The following TCP11 variants were observed in gnomAD, a reference collection of about 807,000 sequenced individuals.
TCP11 encodes T-complex protein 11 homolog.
Under a neutral mutation model 45.0 loss-of-function variants are expected in TCP11, and 34 were observed. The ratio of observed to expected loss-of-function variants is 0.76; its 90% CI spans 0.57 to 1.01. The LOEUF (loss-of-function observed/expected upper bound fraction) is 1.01, where lower values mean the gene tolerates loss of function less well. Ranked by LOEUF, TCP11 falls within the 50% of genes least tolerant of loss-of-function variation. TCP11 has a pLI of 0.00. For synonymous variants in TCP11, 227 were observed against 227.0 expected, an observed-to-expected ratio of 1.00 and a Z score of 0.00; for missense variants, 523 against 598.1, an observed-to-expected ratio of 0.87 and a Z score of 1.31.
At chr6:35,139,055 G>A (rs1781432210) in intron 2 of TCP11, among the ~76,000 whole-genome samples, 1 of 152,098 alleles carries the variant, frequency 6.6e-6, no homozygotes, top group South Asian at 2.1e-4. Flanking sequence ...GGGCATGGTG[G>A]CACATGCTTA....
At chr6:35,133,018 G>A (rs1437011408) in intron 3 of TCP11, among the ~76,000 whole-genome samples, 1 of 152,152 alleles carries the variant, frequency 6.6e-6, no homozygotes, top group East Asian at 1.9e-4. Context: ...ATGGAGAAAG[G>A]CCCTTTAGTA....
rs113669475 is a variant in TCP11, at chr6:35,140,043, T to A, written c.124+704A>T. 0.016 allele frequency: 25,623 copies of A among 1,614,098 alleles called. 295 individuals carry two copies. Among genetic ancestry groups the A allele is most frequent in the South Asian group, 0.03 (2,688 of 91,076 alleles). ...ACCTCAGGTTCATAGCTGTTGGAAA[T>A]GACCCCAATATGCCTTTTGGTGCCA... On this transcript the variant is annotated intron_variant, in intron 2 of 9. Coordinates refer to ENST00000311875, the MANE Select transcript of TCP11 (RefSeq NM_001370687.1).
At position 35,119,287 on chromosome 6, in the gene TCP11, G is replaced by C. The variant is rs562902814; in HGVS notation, c.1220C>G (p.Ser407Cys). 1.6e-5 allele frequency: 26 copies of C among 1,614,188 alleles called. No individual in the cohort carries two copies. The highest frequency in any genetic ancestry group is 3.3e-5 in the Admixed American group (2 of 60,020). ...AATGTTCTGGAGCTGTCCCATTAGA[G>C]ATGCTGTATTATCACTGCTTAGAGC... The part of the protein sequence containing the change: ...LVALSSDNTA[S>C]LMGQLQNIAK... The change falls in exon 9 of 10, where the codon TCT (serine) becomes TGT (cysteine). Residue 407 changes from serine to cysteine, a missense_variant. Transcript: ENST00000311875.
chr6:35,123,642 G>GT (rs1779520026), intron 4 of TCP11, among the ~76,000 whole-genome samples: 1 of 134,344 alleles, frequency 7.4e-6, no homozygotes, highest in South Asian at 2.4e-4. Flanking sequence ...GTCCAGCTTA[G>GT]TTTTCTTTCT....
In TCP11 at chr6:35,136,299, A is replaced by C. The variant is rs1781096618; in HGVS notation, c.125-81T>G. On this transcript the variant is annotated intron_variant, in intron 2 of 9. Coordinates refer to ENST00000311875, the MANE Select transcript of TCP11 (RefSeq NM_001370687.1). ...ATTCACTCAATCTAGTAGGCCCCAA[A>C]TTTAGATTAATCAAACTGGTCTTAC... 8.8e-6 allele frequency: 9 copies of C among 1,023,376 alleles called. No individual in the cohort carries two copies. In the South Asian group the frequency reaches 1.3e-4, roughly 15 times the overall value. The allele number at this position is 1,023,376 out of a possible 1,614,324, so 63.4% of individuals were successfully genotyped here.
At chr6:35,118,909 G>T (rs1378916700) in intron 9 of TCP11, among the ~76,000 whole-genome samples, 1 of 152,094 alleles carries the variant, frequency 6.6e-6, no homozygotes, top group Non-Finnish European at 1.5e-5. Flanking sequence ...TTCAGCATTA[G>T]TTTCTTGTTG....
At chr6:35,127,914 A>G (rs905670337) in intron 4 of TCP11, among the ~76,000 whole-genome samples, 1 of 152,222 alleles carries the variant, frequency 6.6e-6, no homozygotes, top group Non-Finnish European at 1.5e-5. Flanking sequence ...ACAGATCCAA[A>G]TCCATTGTTC....
chr6:35,118,529 G>A lies in TCP11; in HGVS notation c.1280-28C>T, dbSNP rs538717938. 3.8e-6 allele frequency: 6 copies of A among 1,597,852 alleles called. No individual in the cohort carries two copies. In the African/African-American group the frequency reaches 8.1e-5, roughly 21 times the overall value. On this transcript the variant is annotated intron_variant, in intron 9 of 9. Coordinates refer to ENST00000311875, the MANE Select transcript of TCP11 (RefSeq NM_001370687.1). The stretch of plus-strand genomic sequence containing the variant: ...GTGAGCAGGAAAAGACACTGATAAG[G>A]GAAAAGGCAAACAGATTTCAGGGAG...
chr6:35,141,170 C>A (rs1781733903), intron 1 of TCP11, 35 bp downstream of exon 1: 5 of 1,330,720 alleles, frequency 3.8e-6, no homozygotes, highest in Non-Finnish European at 4.8e-6. Context: ...CCCGAAACGC[C>A]GGCCCAGGCC....
chr6:35,139,709 T>G (rs1003506261), intron 2 of TCP11, among the ~76,000 whole-genome samples: 2 of 152,192 alleles, frequency 1.3e-5, no homozygotes, highest in African/African-American at 4.8e-5. Context: ...TTGATAAGAC[T>G]TCTGTTGCTC....
chr6:35,136,447 A>T lies in TCP11; in HGVS notation c.125-229T>A, dbSNP rs528886585. 4.0e-5 allele frequency among the ~76,000 whole-genome samples: 6 copies of T among 151,356 alleles called. No individual in the cohort carries two copies. The South Asian group carries it at 6.3e-4, about 16-fold the overall frequency. ...AAGGCAGGACAAATAGCTAGTTTAT[A>T]AAAAAAAGCAGGAAGTGAAACAGAT... is the stretch of plus-strand genomic sequence containing the variant. On this transcript the variant is annotated intron_variant, in intron 2 of 9. Coordinates refer to ENST00000311875, the MANE Select transcript of TCP11 (RefSeq NM_001370687.1).
Position 35,118,324 on chromosome 6 carries a change from AG to A in TCP11, c.1456del (p.Leu486Ter). The A allele has an allele frequency of 6.2e-7, 1 of 1,614,160 alleles. No individual in the cohort carries two copies. Among genetic ancestry groups the A allele is most frequent in the Non-Finnish European group, 8.5e-7 (1 of 1,180,014 alleles). On this transcript the variant is annotated frameshift_variant, in exon 10 of 10. Coordinates refer to ENST00000311875, the MANE Select transcript of TCP11 (RefSeq NM_001370687.1). LOFTEE classifies it low-confidence loss of function (END_TRUNC). Reference sequence around the variant, plus strand: ...CTGGGCTGGGGAAATGAGGGTTTTTAGGATCTCAGTGTAGTAGGGACCAAAC... The same window carrying A: ...CTGGGCTGGGGAAATGAGGGTTTTTAGATCTCAGTGTAGTAGGGACCAAAC... ...QVFGPYYTEI[L>X]KTLISPAQAL...
At chr6:35,139,971 C>T (rs1475188960) in intron 2 of TCP11, 2 of 1,589,368 alleles carry the variant, frequency 1.3e-6, no homozygotes, top group Non-Finnish European at 8.6e-7. Flanking sequence ...TAAATAGACA[C>T]CTCAAAAACT....
chr6:35,118,535 G>A (rs773254389), intron 9 of TCP11, 34 bp from the exon 10 acceptor site: 44 of 1,589,598 alleles, frequency 2.8e-5, no homozygotes, highest in Middle Eastern at 3.4e-4. Context: ...TAAGGGAAAA[G>A]GCAAACAGAT....
At chr6:35,134,498 C>G (rs1780838756) in intron 3 of TCP11, among the ~76,000 whole-genome samples, 1 of 151,958 alleles carries the variant, frequency 6.6e-6, no homozygotes, top group South Asian at 2.1e-4. Context: ...CCAGGATGGT[C>G]TTGATCTCTT....
At chr6:35,127,288 A>AC (rs1779936351) in intron 4 of TCP11, among the ~76,000 whole-genome samples, 1 of 152,196 alleles carries the variant, frequency 6.6e-6, no homozygotes, top group African/African-American at 2.4e-5. Context: ...GGTAAGAAAG[A>AC]CCATGCCTGA....
intron 3 of TCP11, among the ~76,000 whole-genome samples, chr6:35,135,881 C>A (rs2127684346): frequency 6.6e-6 from 1 of 152,338 alleles, no homozygotes; most frequent in East Asian, 1.9e-4. Context: ...TTTATTCCAA[C>A]AAGTGTTGCT....
In TCP11 at chr6:35,120,910, A is replaced by G; in HGVS notation, c.714T>C (p.Pro238=). Residue 238 remains proline (P), a splice_region_variant and synonymous_variant, in exon 6 of 10, where the codon CCT becomes CCC. Transcript: ENST00000311875. The surrounding 1 kb of genome is among the most constrained non-coding windows in gnomAD (Gnocchi z 4.9). ...CCTGCCCTCACATTATATACATACTAGGCTGCTTATTGAGGAGTTCCTGGA... is the reference window on the plus strand; with the variant it reads ...CCTGCCCTCACATTATATACATACTGGGCTGCTTATTGAGGAGTTCCTGGA... ...AKFQELLNKQ[P]SLLNHTTKWL... is the part of the protein sequence containing the mutation. 1 of 1,613,430 alleles carries G rather than the reference A, an allele frequency of 6.2e-7. No individual in the cohort carries two copies. Among genetic ancestry groups the G allele is most frequent in the South Asian group, 1.1e-5 (1 of 90,930 alleles).
chr6:35,129,030 A>C, intron 4 of TCP11, 32 bp downstream of exon 4: 1 of 1,609,712 alleles, frequency 6.2e-7, no homozygotes, highest in Non-Finnish European at 8.5e-7. Context: ...GATGTCTAGA[A>C]ACTTTACATT....
Sources: gnomAD v4.1 joint callset for allele counts (sites outside exome capture counted in the v4.1 genomes callset) on GRCh38, gnomAD v4.1.1 for gene constraint, Gnocchi (gnomAD v3.1) non-coding constraint, MANE v1.5 for transcripts, NCBI Gene and HGNC (gene_info 2026-07-23, HGNC 2026-07-21) for gene names.